TSPAN13: variants seen among roughly 807,000 people sequenced by gnomAD.
TSPAN13 encodes tetraspanin-13.
Under a neutral mutation model 26.9 loss-of-function variants are expected in TSPAN13, and 18 were observed. The observed-to-expected ratio is 0.67, with a 90% CI of 0.46 to 0.99. The LOEUF is 0.99. Ranked by LOEUF, TSPAN13 falls within the 50% of genes least tolerant of loss-of-function variation. TSPAN13 has a pLI of 0.00. For missense variants in TSPAN13, 201 were observed against 249.6 expected (o/e 0.81, Z 1.31); for synonymous variants, 116 against 98.4 (o/e 1.18, Z -1.06).
At chr7:16,778,686 C>T (rs879003439) in intron 4 of TSPAN13, among the ~76,000 whole-genome samples, 2 of 152,202 alleles carry the variant, frequency 1.3e-5, no homozygotes, top group Non-Finnish European at 2.9e-5. Flanking sequence ...CTGTGAGAAT[C>T]TCTCCATTCT....
chr7:16,770,599 T>G (rs1211649713), intron 1 of TSPAN13, among the ~76,000 whole-genome samples: 5 of 152,236 alleles, frequency 3.3e-5, no homozygotes, highest in Admixed American at 3.3e-4. Flanking sequence ...GCTTTTATCC[T>G]TCTTTTGTTA....
At chr7:16,771,246 TAC>T (rs951828382) in intron 1 of TSPAN13, among the ~76,000 whole-genome samples, 2 of 152,366 alleles carry the variant, frequency 1.3e-5, no homozygotes. Context: ...AATAAAATGT[TAC>T]AGTCTTTTCA....
At chr7:16,757,061 A>G (rs766500665) in intron 1 of TSPAN13, among the ~76,000 whole-genome samples, 12 of 152,186 alleles carry the variant, frequency 7.9e-5, no homozygotes, top group Non-Finnish European at 1.6e-4. Flanking sequence ...AGGCAAATGC[A>G]TTGTGAAGAC....
chr7:16,763,973 T>A (rs1784578027), intron 1 of TSPAN13, among the ~76,000 whole-genome samples: 1 of 152,200 alleles, frequency 6.6e-6, no homozygotes, highest in African/African-American at 2.4e-5. Flanking sequence ...AACACCCGCT[T>A]ATGCTAGATT....
intron 3 of TSPAN13, 66 bp from the exon 4 acceptor site, chr7:16,777,732 A>G: frequency 8.2e-7 from 1 of 1,213,066 alleles, no homozygotes; most frequent in East Asian, 2.5e-5. Context: ...ACTAAAAGTT[A>G]CAGGCTCCAG....
intron 1 of TSPAN13, among the ~76,000 whole-genome samples, chr7:16,765,054 C>T (rs1784590727): frequency 6.6e-6 from 1 of 151,828 alleles, no homozygotes; most frequent in Non-Finnish European, 1.5e-5. Flanking sequence ...CCACTATGCC[C>T]CACCTGTGCT....
intron 1 of TSPAN13, among the ~76,000 whole-genome samples, chr7:16,763,860 T>C (rs1784576929): frequency 6.6e-6 from 1 of 152,214 alleles, no homozygotes; most frequent in African/African-American, 2.4e-5. Context: ...GAGGTCATTC[T>C]TATTCTGGGC....
intron 4 of TSPAN13, among the ~76,000 whole-genome samples, 168 bp from the exon 5 acceptor site, chr7:16,778,835 G>C (rs975963358): frequency 2.0e-5 from 3 of 152,204 alleles, no homozygotes; most frequent in Non-Finnish European, 4.4e-5. Flanking sequence ...ACCATTGAGA[G>C]GGGAGGGTGG....
At chr7:16,781,744 A>G (rs1784815674) in intron 5 of TSPAN13, among the ~76,000 whole-genome samples, 1 of 152,186 alleles carries the variant, frequency 6.6e-6, no homozygotes, top group African/African-American at 2.4e-5. Flanking sequence ...ACATCCTCAA[A>G]AATTCTGACC....
chr7:16,769,000 A>T (rs1007896189), intron 1 of TSPAN13, among the ~76,000 whole-genome samples: 2 of 151,786 alleles, frequency 1.3e-5, no homozygotes, highest in South Asian at 4.2e-4. Flanking sequence ...TGATTTTTGT[A>T]TTTCTAGTAG....
At chr7:16,774,856 CA>C (rs1373710635) in intron 1 of TSPAN13, among the ~76,000 whole-genome samples, 1 of 151,998 alleles carries the variant, frequency 6.6e-6, no homozygotes, top group Non-Finnish European at 1.5e-5. Flanking sequence ...CAAAAAAATA[CA>C]AAAAAATATT....
intron 1 of TSPAN13, among the ~76,000 whole-genome samples, chr7:16,772,761 C>T (rs931489784): frequency 3.3e-5 from 5 of 151,988 alleles, no homozygotes; most frequent in South Asian, 2.1e-4. Flanking sequence ...TTTGGGAGGC[C>T]GAGGCAGGTG....
Position 16,783,730 on chromosome 7 carries a change from A to G in TSPAN13, c.*239A>G, listed in dbSNP as rs1784840170. 2 of 539,346 alleles carry G rather than the reference A, an allele frequency of 3.7e-6. No homozygotes were observed. The highest frequency in any genetic ancestry group is 3.2e-5 in the Admixed American group (1 of 31,664). 33.4% of individuals were successfully genotyped at this position (539,346 alleles called of 1,614,324 possible). On this transcript the variant is annotated 3_prime_UTR_variant, in exon 6 of 6. Coordinates refer to ENST00000262067, the MANE Select transcript of TSPAN13 (RefSeq NM_014399.4). ...GTGGCACCTGGAATTTACTGTATTC[A>G]TTGTCGGGCACTGTCCACTGTGGCC... is the stretch of plus-strand genomic sequence containing the variant.
intron 1 of TSPAN13, among the ~76,000 whole-genome samples, chr7:16,757,507 C>G (rs1562515901): frequency 6.6e-6 from 1 of 151,354 alleles, no homozygotes; most frequent in Non-Finnish European, 1.5e-5. Context: ...AACAAACAAC[C>G]AAAAAAAAGG....
intron 1 of TSPAN13, among the ~76,000 whole-genome samples, chr7:16,760,876 T>C (rs567983464): frequency 6.6e-6 from 1 of 152,326 alleles, no homozygotes; most frequent in African/African-American, 2.4e-5. Context: ...CTTATAATCC[T>C]CTGAACAATA....
intron 2 of TSPAN13, 43 bp from the exon 3 acceptor site, chr7:16,776,999 A>G: frequency 2.1e-6 from 3 of 1,404,828 alleles, no homozygotes; most frequent in Non-Finnish European, 2.0e-6. Context: ...GTTTTATGCC[A>G]TTCTAAGAAT....
At chr7:16,781,686 G>A (rs923473871) in intron 5 of TSPAN13, among the ~76,000 whole-genome samples, 3 of 152,134 alleles carry the variant, frequency 2.0e-5, no homozygotes, top group African/African-American at 7.2e-5. Flanking sequence ...CCCAAGGACT[G>A]TGATTTACCC....
intron 1 of TSPAN13, among the ~76,000 whole-genome samples, chr7:16,759,292 T>A (rs570409975): frequency 6.6e-6 from 1 of 152,290 alleles, no homozygotes; most frequent in East Asian, 1.9e-4. Flanking sequence ...GGAAGCATAG[T>A]GCTGGCATCT....
rs574101510 is a variant in TSPAN13, at chr7:16,779,948, T to G, written c.540+832T>G. 5.2e-4 allele frequency among the ~76,000 whole-genome samples: 79 copies of G among 151,996 alleles called. 1 individual carries two copies. Among genetic ancestry groups the G allele is most frequent in the South Asian group, 2.1e-3 (10 of 4,820 alleles). ...CACCACGCCCAGCTAATTTTTTGTA[T>G]TTTTAGTAGAGACGGGGTTTCACCA... On this transcript the variant is annotated intron_variant, in intron 5 of 5. Coordinates refer to ENST00000262067, the MANE Select transcript of TSPAN13 (RefSeq NM_014399.4).
Sources: gnomAD v4.1 joint callset for allele counts (sites outside exome capture counted in the v4.1 genomes callset) on GRCh38, gnomAD v4.1.1 for gene constraint, MANE v1.5 for transcripts, NCBI Gene and HGNC (gene_info 2026-07-23, HGNC 2026-07-21) for gene names.